QTMAN: variants seen among roughly 807,000 people sequenced by gnomAD.
QTMAN encodes the protein queuosine-tRNA mannosyltransferase.
At chr2:144,309,355 T>G in the QTMAN span, among the ~76,000 whole-genome samples, 1 of 152,114 alleles carries the variant, frequency 6.6e-6, no homozygotes, top group African/African-American at 2.4e-5. Flanking sequence ...CAAAAAAACC[T>G]GTAAACGCCC....
chr2:144,313,229 C>A, the QTMAN span, among the ~76,000 whole-genome samples: 1 of 152,212 alleles, frequency 6.6e-6, no homozygotes, highest in African/African-American at 2.4e-5. Context: ...CTTCTAATTT[C>A]TCCTATATGC....
chr2:144,029,164 T>A, the QTMAN span, among the ~76,000 whole-genome samples: 5 of 152,160 alleles, frequency 3.3e-5, no homozygotes, highest in Non-Finnish European at 7.4e-5. Context: ...AATGAATGCA[T>A]CTCTTATTAG....
At chr2:144,192,542 A>T in the QTMAN span, among the ~76,000 whole-genome samples, 1 of 152,322 alleles carries the variant, frequency 6.6e-6, no homozygotes, top group African/African-American at 2.4e-5. Context: ...CCTGCAGCAT[A>T]TTTACCTTCA....
chr2:144,053,197 T>C, the QTMAN span, among the ~76,000 whole-genome samples: 2 of 152,312 alleles, frequency 1.3e-5, no homozygotes, highest in South Asian at 4.1e-4. Context: ...GAACTACCCA[T>C]AGTACTATTT....
At chr2:143,968,010 T>C in the QTMAN span, among the ~76,000 whole-genome samples, 1 of 152,190 alleles carries the variant, frequency 6.6e-6, no homozygotes, top group Admixed American at 6.5e-5. Flanking sequence ...CAATAATGGC[T>C]GAAGTGATAC....
chr2:144,003,432 A>C, the QTMAN span, among the ~76,000 whole-genome samples: 2 of 151,928 alleles, frequency 1.3e-5, no homozygotes, highest in Non-Finnish European at 2.9e-5. Context: ...AAAAAAAAAA[A>C]ACCAAGCAGT....
chr2:144,299,590 A>C, the QTMAN span, among the ~76,000 whole-genome samples: 1 of 152,224 alleles, frequency 6.6e-6, no homozygotes, highest in Admixed American at 6.5e-5. Flanking sequence ...CTACTACTGT[A>C]ATATAGAGTT....
chr2:144,275,504 C>CT, the QTMAN span, among the ~76,000 whole-genome samples: 1 of 152,140 alleles, frequency 6.6e-6, no homozygotes, highest in Non-Finnish European at 1.5e-5. Context: ...CAGACTCAGA[C>CT]TTTGACTTTG....
chr2:144,106,161 G>T, the QTMAN span, among the ~76,000 whole-genome samples: 1 of 152,156 alleles, frequency 6.6e-6, no homozygotes, highest in Non-Finnish European at 1.5e-5. Context: ...ATGCCAAATT[G>T]TAAAGACCAT....
the QTMAN span, among the ~76,000 whole-genome samples, chr2:144,229,639 A>G: frequency 6.6e-6 from 1 of 152,126 alleles, no homozygotes; most frequent in Non-Finnish European, 1.5e-5. Context: ...GCAATCTCTT[A>G]CTCTATTTTC....
At chr2:144,223,329 T>A in the QTMAN span, among the ~76,000 whole-genome samples, 1 of 152,158 alleles carries the variant, frequency 6.6e-6, no homozygotes, top group Admixed American at 6.5e-5. Context: ...TTATTTTATC[T>A]ATTTAGATGG....
At chr2:143,970,781 A>G in the QTMAN span, 2 of 1,285,338 alleles carry the variant, frequency 1.6e-6, no homozygotes, top group Non-Finnish European at 2.3e-6. Flanking sequence ...AAACACACAA[A>G]ATATAACTTG....
At chr2:143,938,624 G>C in the QTMAN span, 22 of 151,756 alleles carry the variant, frequency 1.4e-4, no homozygotes, top group Non-Finnish European at 1.3e-4. Context: ...TCTCTTTGTA[G>C]ATGATGTTTT....
the QTMAN span, among the ~76,000 whole-genome samples, chr2:144,185,894 T>C: frequency 2.0e-5 from 3 of 152,212 alleles, no homozygotes; most frequent in Admixed American, 6.5e-5. Flanking sequence ...AGGAAAGCTA[T>C]AGACATAGGA....
At chr2:144,032,514 C>T in the QTMAN span, among the ~76,000 whole-genome samples, 8,841 of 152,142 alleles carry the variant, frequency 0.058, 866 homozygotes, top group African/African-American at 0.2. Context: ...TCATAGTATC[C>T]GTCTTGCATA....
chr2:144,102,176 T>C, the QTMAN span, among the ~76,000 whole-genome samples: 3 of 152,228 alleles, frequency 2.0e-5, no homozygotes, highest in Non-Finnish European at 4.4e-5. Context: ...TTTTTTCCAT[T>C]ACAATATGGG....
At chr2:144,188,880 C>T in the QTMAN span, among the ~76,000 whole-genome samples, 2 of 152,094 alleles carry the variant, frequency 1.3e-5, no homozygotes, top group African/African-American at 4.8e-5. Flanking sequence ...GAACATTTAA[C>T]CTCTTCAATA....
the QTMAN span, among the ~76,000 whole-genome samples, chr2:144,087,433 A>C: frequency 6.6e-6 from 1 of 152,110 alleles, no homozygotes; most frequent in Non-Finnish European, 1.5e-5. Flanking sequence ...ACTGAAGAGA[A>C]AGGAAACTTC....
chr2:144,088,932 C>A, the QTMAN span, among the ~76,000 whole-genome samples: 1 of 151,874 alleles, frequency 6.6e-6, no homozygotes, highest in Non-Finnish European at 1.5e-5. Flanking sequence ...TGGCTAAGAC[C>A]TAAAAAGCAC....
Sources: gnomAD v4.1 joint callset for allele counts (sites outside exome capture counted in the v4.1 genomes callset) on GRCh38, gnomAD v4.1.1 for gene constraint, MANE v1.5 for transcripts, NCBI Gene and HGNC (gene_info 2026-07-23, HGNC 2026-07-21) for gene names.